The following CFAP91 variants were observed in gnomAD, a reference collection of about 807,000 sequenced individuals.
CFAP91 encodes the protein cilia and flagella associated protein 91.
A neutral mutation model predicts 95.9 loss-of-function variants in CFAP91; 85 were observed. The ratio of observed to expected loss-of-function variants is 0.89; its 90% CI spans 0.74 to 1.06. The LOEUF is 1.06. Ranked by LOEUF, CFAP91 falls within the 50% of genes least tolerant of loss-of-function variation. The pLI, the probability that CFAP91 is intolerant of heterozygous loss-of-function variation, is 0.00. For synonymous variants in CFAP91, 335 were observed against 327.5 expected (o/e 1.02, Z -0.25); for missense variants, 962 against 943.4 (o/e 1.02, Z -0.26).
In CFAP91 at chr3:119,703,329, T is replaced by G. The variant is rs971873697; in HGVS notation, c.124+107T>G. 4 of 1,505,314 alleles carry G rather than the reference T, an allele frequency of 2.7e-6. No homozygotes were observed. The African/African-American group carries it at 4.1e-5, about 16-fold the overall frequency. 93.2% of individuals were successfully genotyped at this position (1,505,314 alleles called of 1,614,324 possible). A position where few individuals can be genotyped will look rare whatever the true frequency, so the allele number is the denominator to read the frequency against. ...GCATGGCGAACGAAACACGACCCTC[T>G]GGACTGACCTCTTGCCCACGGTTGT... is the stretch of plus-strand genomic sequence containing the variant. On this transcript the variant is annotated intron_variant, in intron 1 of 17. Coordinates refer to ENST00000273390, the MANE Select transcript of CFAP91 (RefSeq NM_033364.4).
rs773076124 is a variant in CFAP91, at chr3:119,732,456, A to G, written c.1181A>G (p.Tyr394Cys). 3.7e-6 allele frequency: 6 copies of G among 1,605,666 alleles called. No individual in the cohort carries two copies. The highest frequency in any genetic ancestry group is 2.3e-5 in the South Asian group (2 of 88,548). The change falls in exon 9 of 18, where the codon TAC (tyrosine) becomes TGC (cysteine). Residue 394 changes from tyrosine (Y) to cysteine (C), a missense_variant. Tyr to Cys is a radical substitution (Grantham distance 194). Coordinates refer to ENST00000273390, the MANE Select transcript of CFAP91 (RefSeq NM_033364.4). Reference sequence around the variant, plus strand: ...TCAGAGGACTTTGTAGTAAAAAACTACTATCTCAACACCTATGAAGGTAAG... The same window carrying G: ...TCAGAGGACTTTGTAGTAAAAAACTGCTATCTCAACACCTATGAAGGTAAG... ...NNSEDFVVKN[Y>C]YLNTYEGLVE... is the part of the protein sequence containing the mutation.
intron 17 of CFAP91, among the ~76,000 whole-genome samples, chr3:119,756,853 C>G (rs1359997720): frequency 2.0e-5 from 3 of 152,010 alleles, no homozygotes; most frequent in Non-Finnish European, 4.4e-5. Flanking sequence ...AAAAAGGAAA[C>G]AGAACCAATA....
At chr3:119,760,778 A>G (rs1421259287) in intron 17 of CFAP91, among the ~76,000 whole-genome samples, 2 of 151,726 alleles carry the variant, frequency 1.3e-5, no homozygotes, top group Non-Finnish European at 3.0e-5. Flanking sequence ...CTGAACAACA[A>G]GAAGTCAAAG....
At chr3:119,726,470 AGGAAATTGGG>A in intron 7 of CFAP91, 122 bp downstream of exon 7, 1 of 918,784 alleles carries the variant, frequency 1.1e-6, no homozygotes. Flanking sequence ...CTATAGAGAT[AGGAAATTGGG>A]CATCCGGTTC....
chr3:119,705,100 C>T (rs1484701252), intron 1 of CFAP91, among the ~76,000 whole-genome samples: 4 of 152,256 alleles, frequency 2.6e-5, no homozygotes, highest in African/African-American at 9.6e-5. Context: ...TTCCTTCCAT[C>T]TGACAGAAAG....
chr3:119,749,829 C>T (rs552313214), intron 16 of CFAP91, among the ~76,000 whole-genome samples: 2 of 152,060 alleles, frequency 1.3e-5, no homozygotes, highest in South Asian at 2.1e-4. Context: ...TTTTGAAAAG[C>T]CAATGGATCA....
At chr3:119,705,671 TAAA>T (rs1403149460) in intron 1 of CFAP91, among the ~76,000 whole-genome samples, 2 of 152,256 alleles carry the variant, frequency 1.3e-5, no homozygotes, top group Admixed American at 1.3e-4. Context: ...TCTTCTTTTT[TAAA>T]AATAACAACC....
intron 6 of CFAP91, among the ~76,000 whole-genome samples, chr3:119,721,133 TAA>T (rs768997640): frequency 6.6e-6 from 1 of 152,254 alleles, no homozygotes; most frequent in African/African-American, 2.4e-5. Context: ...TGCTGTATTT[TAA>T]AAGAGTGACT....
chr3:119,731,499 TCTGA>T (rs1425560353), intron 8 of CFAP91, among the ~76,000 whole-genome samples: 3 of 152,212 alleles, frequency 2.0e-5, no homozygotes, highest in Admixed American at 2.0e-4. Context: ...TAATGATAGA[TCTGA>T]CTAATTTTTG....
intron 1 of CFAP91, 199 bp downstream of exon 1, chr3:119,703,421 G>A (rs923076036): frequency 4.0e-6 from 3 of 758,706 alleles, no homozygotes; most frequent in African/African-American, 1.8e-5. Flanking sequence ...TCGGGGGTTC[G>A]GGTACATCGA....
rs574630366 is a variant in CFAP91, at chr3:119,727,444, T to A, written c.860+1096T>A. Among the ~76,000 whole-genome samples, 3 of 152,312 alleles carry A rather than the reference T, an allele frequency of 2.0e-5. No homozygotes were observed. The South Asian group carries it at 6.2e-4, about 32-fold the overall frequency. On this transcript the variant is annotated intron_variant, in intron 7 of 17. Coordinates refer to ENST00000273390, the MANE Select transcript of CFAP91 (RefSeq NM_033364.4). ...AGGCATTAAAACTGTTAAAAATGTA[T>A]CTGGCCAGAGTGAAAACGTCATCTG... is the stretch of plus-strand genomic sequence containing the variant.
At chr3:119,731,791 G>A (rs570318987) in intron 8 of CFAP91, among the ~76,000 whole-genome samples, 3 of 152,362 alleles carry the variant, frequency 2.0e-5, no homozygotes, top group South Asian at 4.1e-4. Flanking sequence ...TACTCCTGAT[G>A]TGCACAGTTG....
chr3:119,747,637 A>C (rs999242345), intron 15 of CFAP91, 174 bp from the exon 16 acceptor site: 2 of 629,438 alleles, frequency 3.2e-6, no homozygotes, highest in African/African-American at 1.9e-5. Flanking sequence ...GTCAAATCCA[A>C]ATTTTTTTGT....
rs1176412538 is a variant in CFAP91 at position 119,726,202 on chromosome 3, G to A, written c.714G>A (p.Val238=). The A allele has an allele frequency of 6.2e-7, 1 of 1,612,932 alleles. No individual in the cohort carries two copies. Reference sequence around the variant, plus strand: ...GTCTCCCAGCAGGACAAGCTGAGGTGGAGATGATAGAAAGAGCCCGCGAGA... The same window carrying A: ...GTCTCCCAGCAGGACAAGCTGAGGTAGAGATGATAGAAAGAGCCCGCGAGA... ...GRGLPAGQAE[V]EMIERAREKR... is the part of the protein sequence containing the mutation. The change falls in exon 7 of 18, where the codon GTG becomes GTA. Residue 238 remains valine (V), a synonymous_variant. Transcript: ENST00000273390.
chr3:119,760,511 T>TTACAC (rs2054519637), intron 17 of CFAP91, among the ~76,000 whole-genome samples: 2 of 151,750 alleles, frequency 1.3e-5, no homozygotes, highest in Admixed American at 6.6e-5. Context: ...AACATCAGAC[T>TTACAC]TACACTACAC....
rs1375944716 is a variant in CFAP91, at chr3:119,707,546, T to G, written c.344T>G (p.Leu115Arg). 21 of 1,575,174 alleles carry G rather than the reference T, an allele frequency of 1.3e-5. No individual in the cohort carries two copies. The highest frequency in any genetic ancestry group is 1.8e-5 in the Non-Finnish European group (21 of 1,153,862). ...KGHKEKHREA[L>R]RQLTTTDASF... The stretch of plus-strand genomic sequence containing the variant: ...CATAAGGAGAAACACAGAGAAGCCC[T>G]CCGGCAGCTCACCACGTAAGTGTCG... Residue 115 changes from leucine to arginine, a missense_variant, in exon 3 of 18, where the codon CTC becomes CGC. Physicochemically the swap from Leu to Arg is moderately radical, Grantham distance 102. Transcript: ENST00000273390.
At chr3:119,751,195 T>G in intron 17 of CFAP91, 97 bp downstream of exon 17, 1 of 1,357,936 alleles carries the variant, frequency 7.4e-7, no homozygotes, top group South Asian at 1.6e-5. Context: ...AATGTGAAGA[T>G]TGCTGTTTAA....
rs1577222339 is a variant in CFAP91, at chr3:119,732,293, G to C, written c.1019-1G>C. 1 of 1,594,370 alleles carries C rather than the reference G, an allele frequency of 6.3e-7. No individual in the cohort carries two copies. On this transcript the variant is annotated splice_acceptor_variant, in intron 8 of 17. Coordinates refer to ENST00000273390, the MANE Select transcript of CFAP91 (RefSeq NM_033364.4). LOFTEE classifies it high-confidence loss of function. ...AGTCATGGAGGTATGTTTTATTTCA[G>C]CAATCAGAAAACTTGTAGGAAAGAG...
intron 7 of CFAP91, among the ~76,000 whole-genome samples, chr3:119,727,699 G>A (rs926285680): frequency 1.3e-5 from 2 of 152,206 alleles, no homozygotes; most frequent in African/African-American, 4.8e-5. Flanking sequence ...TGTCTATCAG[G>A]TGATGTGCTG....
Sources: gnomAD v4.1 joint callset for allele counts (sites outside exome capture counted in the v4.1 genomes callset) on GRCh38, gnomAD v4.1.1 for gene constraint, MANE v1.5 for transcripts, NCBI Gene and HGNC (gene_info 2026-07-23, HGNC 2026-07-21) for gene names.